Variants in LAMA2 observed in about 807,000 individuals in gnomAD.
LAMA2 encodes the protein laminin subunit alpha-2.
Under a neutral mutation model 364.8 loss-of-function variants are expected in LAMA2, and 269 were observed. That is an observed-to-expected ratio of 0.74 (90% CI 0.67 to 0.82). The LOEUF (loss-of-function observed/expected upper bound fraction) is 0.82. Ranked by LOEUF, LAMA2 falls within the 40% of genes least tolerant of loss-of-function variation. The pLI, the probability that LAMA2 is intolerant of heterozygous loss-of-function variation, is 0.00. For synonymous variants in LAMA2, 1,379 were observed against 1,370.6 expected, an observed-to-expected ratio of 1.01 and a Z score of -0.14; for missense variants, 3,807 against 3,873.2, an observed-to-expected ratio of 0.98 and a Z score of 0.45.
At chr6:129,081,419 G>C (rs534273848) in intron 3 of LAMA2, among the ~76,000 whole-genome samples, 2 of 152,184 alleles carry the variant, frequency 1.3e-5, no homozygotes, top group South Asian at 4.1e-4. Flanking sequence ...TAAAAAAAAT[G>C]AAATGTCCGT....
intron 1 of LAMA2, among the ~76,000 whole-genome samples, chr6:128,995,240 A>G (rs1261525939): frequency 1.3e-5 from 2 of 152,192 alleles, no homozygotes; most frequent in African/African-American, 4.8e-5. Context: ...ATGTGCAGGT[A>G]TATATCACAC....
At chr6:129,276,941 CAT>C (rs1194637954) in intron 17 of LAMA2, among the ~76,000 whole-genome samples, 1 of 152,022 alleles carries the variant, frequency 6.6e-6, no homozygotes, top group Non-Finnish European at 1.5e-5. Flanking sequence ...CATGTATACA[CAT>C]GTATGTACAC....
chr6:128,967,312 G>A (rs1781905365), intron 1 of LAMA2, among the ~76,000 whole-genome samples: 1 of 152,034 alleles, frequency 6.6e-6, no homozygotes, highest in African/African-American at 2.4e-5. Context: ...GTTCTAAAAG[G>A]AAAAGAAAAC....
chr6:129,315,010 T>C (rs1024336123), intron 24 of LAMA2, among the ~76,000 whole-genome samples: 2 of 152,148 alleles, frequency 1.3e-5, no homozygotes, highest in Non-Finnish European at 2.9e-5. Flanking sequence ...CACTTATTGA[T>C]AAGGAAATAG....
At chr6:129,164,586 A>C (rs994161586) in intron 8 of LAMA2, among the ~76,000 whole-genome samples, 3 of 152,228 alleles carry the variant, frequency 2.0e-5, no homozygotes, top group Admixed American at 2.0e-4. Flanking sequence ...TTACTTTCAT[A>C]CTTTGTTAGG....
intron 15 of LAMA2, among the ~76,000 whole-genome samples, 192 bp from the exon 16 acceptor site, chr6:129,266,914 A>C (rs939305399): frequency 7.9e-5 from 12 of 152,144 alleles, no homozygotes; most frequent in African/African-American, 2.7e-4. Flanking sequence ...AATAACACTA[A>C]GGTCAGTGCA....
chr6:129,273,605 T>G (rs1562402682), intron 17 of LAMA2, among the ~76,000 whole-genome samples: 1 of 152,174 alleles, frequency 6.6e-6, no homozygotes, highest in Admixed American at 6.5e-5. Context: ...CATTGTTGTC[T>G]CTTTATTTGT....
chr6:129,233,677 G>A (rs1023735723), intron 12 of LAMA2, among the ~76,000 whole-genome samples: 7 of 152,110 alleles, frequency 4.6e-5, no homozygotes, highest in South Asian at 2.1e-4. Context: ...GAAAATCCGC[G>A]TATAAATGGA....
chr6:129,310,195 G>A (rs1011924974), intron 22 of LAMA2, among the ~76,000 whole-genome samples: 5 of 152,134 alleles, frequency 3.3e-5, no homozygotes, highest in Non-Finnish European at 5.9e-5. Context: ...CACCGCGCCC[G>A]GCCGATAATC....
chr6:128,937,234 T>C (rs976823522), intron 1 of LAMA2, among the ~76,000 whole-genome samples: 3 of 152,212 alleles, frequency 2.0e-5, no homozygotes, highest in Admixed American at 6.6e-5. Flanking sequence ...ATGGTGAATG[T>C]TCCTTTTGAT....
intron 12 of LAMA2, among the ~76,000 whole-genome samples, chr6:129,234,959 C>T (rs1373234384): frequency 6.6e-6 from 1 of 152,018 alleles, no homozygotes; most frequent in Non-Finnish European, 1.5e-5. Flanking sequence ...ATTAAGTTCA[C>T]CAGGTCTTAT....
intron 1 of LAMA2, among the ~76,000 whole-genome samples, chr6:128,889,885 T>A (rs144032537): frequency 6.6e-6 from 1 of 152,182 alleles, no homozygotes; most frequent in Non-Finnish European, 1.5e-5. Context: ...TGGATTTTAT[T>A]TGGACACGTG....
chr6:129,470,260 G>A (rs1264443931), intron 51 of LAMA2, among the ~76,000 whole-genome samples: 1 of 151,776 alleles, frequency 6.6e-6, no homozygotes, highest in Non-Finnish European at 1.5e-5. Context: ...AGTAAGTTAA[G>A]TAATACAGAT....
intron 21 of LAMA2, among the ~76,000 whole-genome samples, chr6:129,299,597 C>G (rs995689821): frequency 1.3e-5 from 2 of 152,058 alleles, no homozygotes; most frequent in African/African-American, 4.8e-5. Context: ...CATTTTTTAG[C>G]ATATAAATTT....
In LAMA2 at chr6:129,486,476, C is replaced by T. The variant is rs1292199059; in HGVS notation, c.7752C>T (p.Ala2584=). The T allele has an allele frequency of 1.9e-6, 3 of 1,613,126 alleles. No individual in the cohort carries two copies. The highest frequency in any genetic ancestry group is 2.5e-6 in the Non-Finnish European group (3 of 1,179,356). Residue 2584 remains alanine (A), a splice_region_variant and synonymous_variant, in exon 56 of 65, where the codon GCC becomes GCT. Coordinates refer to ENST00000421865, the MANE Select transcript of LAMA2 (RefSeq NM_000426.4). ...TCAATAACCACTTGCTGTTGCAGGC[C>T]TATTATGCAATACTCCTCAACAGGG... The part of the protein sequence containing the change: ...PRRKRRQTGQ[A]YYAILLNRGR...
intron 1 of LAMA2, among the ~76,000 whole-genome samples, chr6:129,019,876 G>T (rs1785312175): frequency 6.6e-6 from 1 of 152,148 alleles, no homozygotes; most frequent in African/African-American, 2.4e-5. Context: ...CTGAGGTCAG[G>T]AGTTCGAGAC....
Position 129,297,706 on chromosome 6 carries a change from T to C in LAMA2, c.2878T>C (p.Ser960Pro). 1 of 1,613,960 alleles carries C rather than the reference T, an allele frequency of 6.2e-7. No homozygotes were observed. Among genetic ancestry groups the C allele is most frequent in the South Asian group, 1.1e-5 (1 of 91,080 alleles). ...KCKAGTFGLQ[S>P]ARGCVPCNCN... is the part of the protein sequence containing the mutation. ...CCAGGCTGGGACCTTTGGCCTACAA[T>C]CAGCAAGGGGCTGTGTTCCCTGCAA... Residue 960 changes from serine to proline, a missense_variant, in exon 21 of 65, where the codon TCA (serine) becomes CCA (proline). Physicochemically the swap from Ser to Pro is moderately conservative, Grantham distance 74. Transcript: ENST00000421865.
Position 129,445,715 on chromosome 6 carries a change from G to C in LAMA2, c.6323G>C (p.Arg2108Pro). 1 of 1,613,818 alleles carries C rather than the reference G, an allele frequency of 6.2e-7. No individual in the cohort carries two copies. Among genetic ancestry groups the C allele is most frequent in the Non-Finnish European group, 8.5e-7 (1 of 1,179,830 alleles). The change falls in exon 45 of 65, where the codon CGG (arginine) becomes CCG (proline). Residue 2108 changes from arginine to proline, a missense_variant. This residue lies in a region of LAMA2 where 3,333 missense variants were observed against 3,345.7 expected (regional missense o/e 1.00). Coordinates refer to ENST00000421865, the MANE Select transcript of LAMA2 (RefSeq NM_000426.4). ...TVKNLEQEADRLIDKLKPIKE... is the reference protein window; with the variant it reads ...TVKNLEQEADPLIDKLKPIKE... Reference sequence around the variant, plus strand: ...AAAAATTTAGAACAGGAAGCTGACCGGCTAATAGATAAACTCAAACCCATC... The same window carrying C: ...AAAAATTTAGAACAGGAAGCTGACCCGCTAATAGATAAACTCAAACCCATC...
chr6:129,390,840 C>T (rs1009280849), intron 35 of LAMA2, among the ~76,000 whole-genome samples: 6 of 152,156 alleles, frequency 3.9e-5, no homozygotes, highest in East Asian at 1.9e-4. Flanking sequence ...GAGAATCCTA[C>T]GATTCCAAGG....
Sources: gnomAD v4.1 joint callset for allele counts (sites outside exome capture counted in the v4.1 genomes callset) on GRCh38, gnomAD v4.1.1 for gene constraint, gnomAD v4.1.1 regional missense constraint, MANE v1.5 for transcripts, NCBI Gene and HGNC (gene_info 2026-07-23, HGNC 2026-07-21) for gene names.